The following STK3 variants were observed in gnomAD, a reference collection of about 807,000 sequenced individuals.
The protein encoded by STK3 is serine/threonine kinase 3, also known as serine/threonine-protein kinase 3.
A neutral mutation model predicts 58.0 loss-of-function variants in STK3; 41 were observed. The ratio of observed to expected loss-of-function variants is 0.71; its 90% CI spans 0.55 to 0.92. The LOEUF is 0.92. Ranked by LOEUF, STK3 falls within the 40% of genes least tolerant of loss-of-function variation. The pLI is 0.00. For missense variants in STK3, 479 were observed against 602.7 expected, an observed-to-expected ratio of 0.79 and a Z score of 2.15; for synonymous variants, 170 against 191.0, an observed-to-expected ratio of 0.89 and a Z score of 0.91.
intron 3 of STK3, chr8:98,429,333 G>T: frequency 1.2e-6 from 2 of 1,614,214 alleles, no homozygotes; most frequent in Non-Finnish European, 1.7e-6. Flanking sequence ...TGCCCATAAA[G>T]TTAAATCCCT....
chr8:98,936,421 G>A lies in STK3; in HGVS notation c.-79+5957C>T, dbSNP rs193285375. Among the ~76,000 whole-genome samples, 963 of 151,984 alleles carry A rather than the reference G, an allele frequency of 6.3e-3. 10 individuals are homozygous for A. The highest frequency in any genetic ancestry group is 0.011 in the Non-Finnish European group (723 of 67,970). On this transcript the variant is annotated intron_variant, in intron 1 of 1. Coordinates refer to the STK3 transcript ENST00000519420. ...ACCATAGCTCCAAATTCATTATTGC[G>A]TTCCCAGTACCTACCACAAGGCCTA... is the stretch of plus-strand genomic sequence containing the variant.
At chr8:98,616,337 G>A (rs1425712102) in intron 6 of STK3, among the ~76,000 whole-genome samples, 1 of 139,536 alleles carries the variant, frequency 7.2e-6, no homozygotes, top group Non-Finnish European at 1.5e-5. Flanking sequence ...GGAACAACCA[G>A]TACCAGCCGC....
At chr8:98,804,107 T>C (rs1833759537) in intron 1 of STK3, among the ~76,000 whole-genome samples, 1 of 152,014 alleles carries the variant, frequency 6.6e-6, no homozygotes, top group Non-Finnish European at 1.5e-5. Context: ...GTTCAAGCAA[T>C]CCTCCCAACT....
the STK3 span, among the ~76,000 whole-genome samples, chr8:98,348,932 T>A: frequency 6.6e-6 from 1 of 152,248 alleles, no homozygotes; most frequent in Non-Finnish European, 1.5e-5. Flanking sequence ...TGAAAACTTA[T>A]GTTCATGCAA....
At chr8:98,486,774 T>C (rs1271561416) in intron 10 of STK3, among the ~76,000 whole-genome samples, 1 of 152,156 alleles carries the variant, frequency 6.6e-6, no homozygotes, top group East Asian at 1.9e-4. Flanking sequence ...TGATACAATA[T>C]TAAGGCAGCA....
chr8:98,566,624 T>A (rs1230951665), intron 8 of STK3, among the ~76,000 whole-genome samples: 1 of 152,106 alleles, frequency 6.6e-6, no homozygotes, highest in Non-Finnish European at 1.5e-5. Flanking sequence ...TTTTCAATGG[T>A]CCAATGCTAA....
intron 3 of STK3, among the ~76,000 whole-genome samples, chr8:98,406,381 A>G (rs574580929): frequency 6.6e-6 from 1 of 152,112 alleles, no homozygotes; most frequent in Non-Finnish European, 1.5e-5. Context: ...CATTTGGTGT[A>G]CAAATGATCC....
At chr8:98,600,602 C>T (rs922250886) in intron 6 of STK3, among the ~76,000 whole-genome samples, 8 of 152,180 alleles carry the variant, frequency 5.3e-5, no homozygotes, top group Non-Finnish European at 1.0e-4. Flanking sequence ...CAGATTTCTG[C>T]TGCACATAAT....
chr8:98,609,992 A>C (rs562930136), intron 6 of STK3, among the ~76,000 whole-genome samples: 3 of 152,108 alleles, frequency 2.0e-5, no homozygotes, highest in East Asian at 1.9e-4. Flanking sequence ...GAAATAATTG[A>C]CATATATCAG....
intron 8 of STK3, among the ~76,000 whole-genome samples, chr8:98,552,875 A>G (rs2131601122): frequency 6.6e-6 from 1 of 152,324 alleles, no homozygotes; most frequent in South Asian, 2.1e-4. Flanking sequence ...ACAAGCATTT[A>G]TTGTACATCA....
At chr8:98,592,435 G>T (rs955057917) in intron 7 of STK3, among the ~76,000 whole-genome samples, 3 of 152,070 alleles carry the variant, frequency 2.0e-5, no homozygotes, top group East Asian at 3.9e-4. Flanking sequence ...TAATCATATA[G>T]GCTGTGCATC....
At chr8:98,601,323 C>T (rs531810471) in intron 6 of STK3, among the ~76,000 whole-genome samples, 8 of 152,284 alleles carry the variant, frequency 5.3e-5, no homozygotes, top group African/African-American at 1.9e-4. Context: ...AATCCCAATA[C>T]AATCAATTGT....
At chr8:98,529,022 A>G (rs1016468947) in intron 9 of STK3, among the ~76,000 whole-genome samples, 6 of 152,170 alleles carry the variant, frequency 3.9e-5, no homozygotes, top group Non-Finnish European at 7.4e-5. Flanking sequence ...TTCCTCTAAA[A>G]AGAAACATAA....
At chr8:98,829,917 A>G (rs1025619775), upstream of STK3, among the ~76,000 whole-genome samples, 35 of 152,314 alleles carry the variant, frequency 2.3e-4, no homozygotes, top group African/African-American at 8.2e-4. Flanking sequence ...GTGAAATGGA[A>G]AAAGGGAATA....
In STK3 at chr8:98,445,309, C is replaced by T. The variant is rs887404397; in HGVS notation, n.186-8101G>A. On this transcript the variant is annotated intron_variant and non_coding_transcript_variant, in intron 1 of 3. Coordinates refer to the STK3 transcript ENST00000517832. Reference sequence around the variant, plus strand: ...GATGCGTTTAGCTAATAGACTGTCACTGTCAAATAGAAATGTCACGCAAAC... The same window carrying T: ...GATGCGTTTAGCTAATAGACTGTCATTGTCAAATAGAAATGTCACGCAAAC... Among the ~76,000 whole-genome samples, 22 of 152,094 alleles carry T rather than the reference C, an allele frequency of 1.4e-4. 1 individual carries two copies. Among genetic ancestry groups the T allele is most frequent in the African/African-American group, 5.1e-4 (21 of 41,396 alleles).
At chr8:98,675,754 C>T (rs1823159705) in intron 6 of STK3, among the ~76,000 whole-genome samples, 1 of 152,036 alleles carries the variant, frequency 6.6e-6, no homozygotes, top group Non-Finnish European at 1.5e-5. Flanking sequence ...GTCCCAGCTA[C>T]TCGGGAGGCT....
intron 7 of STK3, among the ~76,000 whole-genome samples, chr8:98,592,737 A>AAC (rs1815432081): frequency 2.2e-5 from 2 of 88,932 alleles, no homozygotes; most frequent in African/African-American, 1.2e-4. Context: ...GACTTACTTT[A>AAC]TTTATTTATT....
At chr8:98,550,743 C>T (rs1203490131) in intron 8 of STK3, among the ~76,000 whole-genome samples, 1 of 152,090 alleles carries the variant, frequency 6.6e-6, no homozygotes, top group Non-Finnish European at 1.5e-5. Flanking sequence ...TAGTTCAAAT[C>T]CTGGCTCAAA....
chr8:98,429,709 T>G, intron 3 of STK3: 2 of 371,206 alleles, frequency 5.4e-6, no homozygotes, highest in Non-Finnish European at 1.0e-5. Flanking sequence ...CTAATTTTTC[T>G]GTCCATCGTG....
Sources: allele counts gnomAD v4.1 joint callset (sites outside exome capture counted in the v4.1 genomes callset), GRCh38; gene constraint gnomAD v4.1.1; transcripts MANE v1.5; gene names NCBI Gene and HGNC (gene_info 2026-07-23, HGNC 2026-07-21).